Variants in LINGO2 observed in about 807,000 individuals in gnomAD.
The protein encoded by LINGO2 is leucine-rich repeat and immunoglobulin-like domain-containing nogo receptor-interacting protein 2.
LINGO2 carries 14 observed loss-of-function variants against 30.6 expected under a neutral mutation model. The observed-to-expected ratio is 0.46, with a 90% CI of 0.30 to 0.72. LINGO2 has a LOEUF of 0.72. Among genes scored for constraint, LINGO2 ranks in the 30% least tolerant of loss-of-function variants. The pLI, the probability that LINGO2 is intolerant of heterozygous loss-of-function variation, is 0.07. For missense variants in LINGO2, 729 were observed against 751.7 expected (o/e 0.97, Z 0.35); for synonymous variants, 317 against 288.5 (o/e 1.10, Z -1.00).
Position 28,401,952 on chromosome 9 carries a change from T to A in LINGO2, c.-278-29084A>T, listed in dbSNP as rs1031491069. 2.0e-5 allele frequency among the ~76,000 whole-genome samples: 3 copies of A among 152,326 alleles called. No individual in the cohort carries two copies. The East Asian group carries it at 5.8e-4, about 29-fold the overall frequency. On this transcript the variant is annotated intron_variant, in intron 2 of 5. Coordinates refer to ENST00000379992, the Ensembl canonical transcript of LINGO2. ...ATATCTTCTTTTGTGAGGTGTCTGT[T>A]CATATCATTTGCCTACCTTTTGATG... is the stretch of plus-strand genomic sequence containing the variant.
At chr9:28,968,933 A>G in the LINGO2 span, among the ~76,000 whole-genome samples, 1 of 152,202 alleles carries the variant, frequency 6.6e-6, no homozygotes, top group Admixed American at 6.5e-5. Context: ...ACATGCTCCC[A>G]AAGGAACATA....
At chr9:28,374,523 C>A (rs543623873) in intron 2 of LINGO2, among the ~76,000 whole-genome samples, 1 of 151,986 alleles carries the variant, frequency 6.6e-6, no homozygotes, top group Non-Finnish European at 1.5e-5. Flanking sequence ...AGGTGGGTCC[C>A]TAGATAAAAT....
intron 4 of LINGO2, among the ~76,000 whole-genome samples, chr9:28,274,637 C>T (rs1823053506): frequency 6.6e-6 from 1 of 152,182 alleles, no homozygotes; most frequent in Non-Finnish European, 1.5e-5. Flanking sequence ...GCTATTCTTG[C>T]TAAACCAAAC....
chr9:28,494,586 A>G (rs1328093293), intron 1 of LINGO2, among the ~76,000 whole-genome samples: 2 of 152,148 alleles, frequency 1.3e-5, no homozygotes, highest in East Asian at 3.8e-4. Context: ...CAGGGTGTAT[A>G]TGTGCCACAT....
At chr9:28,715,741 T>C in the LINGO2 span, among the ~76,000 whole-genome samples, 3 of 152,102 alleles carry the variant, frequency 2.0e-5, no homozygotes, top group Non-Finnish European at 4.4e-5. Context: ...GACAAGCCAC[T>C]TTTCTGAAAA....
the LINGO2 span, among the ~76,000 whole-genome samples, chr9:28,800,314 G>GTATGGCCTACCAGAAATCACCATA: frequency 6.6e-6 from 1 of 151,872 alleles, no homozygotes; most frequent in Non-Finnish European, 1.5e-5. Context: ...CTATTTTTTG[G>GTATGGCCTACCAGAAATCACCATA]TATGGCCTAC....
At chr9:28,775,146 GC>G in the LINGO2 span, among the ~76,000 whole-genome samples, 1 of 152,104 alleles carries the variant, frequency 6.6e-6, no homozygotes, top group African/African-American at 2.4e-5. Flanking sequence ...TAGAGGAGAA[GC>G]TTTGCTTGGC....
At chr9:29,038,407 G>T in the LINGO2 span, among the ~76,000 whole-genome samples, 1 of 151,922 alleles carries the variant, frequency 6.6e-6, no homozygotes, top group Admixed American at 6.6e-5. Flanking sequence ...ATAGGAGTGG[G>T]ACTATTTTCT....
At chr9:28,250,592 T>C (rs577217641) in intron 4 of LINGO2, among the ~76,000 whole-genome samples, 244 of 152,226 alleles carry the variant, frequency 1.6e-3, no homozygotes, top group African/African-American at 5.6e-3. Flanking sequence ...CACAGAAATA[T>C]CTGTGTCCCC....
intron 2 of LINGO2, among the ~76,000 whole-genome samples, chr9:28,414,544 C>G (rs1822895765): frequency 6.6e-6 from 1 of 151,964 alleles, no homozygotes. Context: ...GAAAATATAC[C>G]TTACCAACTG....
chr9:28,799,525 G>A, the LINGO2 span, among the ~76,000 whole-genome samples: 1 of 152,134 alleles, frequency 6.6e-6, no homozygotes, highest in Admixed American at 6.6e-5. Context: ...TTGGTGATGA[G>A]TGAAGGAAAA....
chr9:28,436,481 G>C (rs1024608882), intron 2 of LINGO2, among the ~76,000 whole-genome samples: 1 of 150,670 alleles, frequency 6.6e-6, no homozygotes, highest in Non-Finnish European at 1.5e-5. Context: ...TTTTTGAGAT[G>C]GAGTCTCGCT....
chr9:29,029,339 T>A, the LINGO2 span, among the ~76,000 whole-genome samples: 48 of 152,176 alleles, frequency 3.2e-4, no homozygotes, highest in Admixed American at 3.1e-3. Flanking sequence ...GCCTAACAGA[T>A]ATTAAATTAA....
chr9:28,544,302 T>G (rs1388083605), intron 1 of LINGO2, among the ~76,000 whole-genome samples: 2 of 152,260 alleles, frequency 1.3e-5, no homozygotes, highest in East Asian at 3.9e-4. Context: ...GAGTTGCCAG[T>G]TCTGTAATCT....
the LINGO2 span, among the ~76,000 whole-genome samples, chr9:28,993,941 C>T: frequency 2.0e-5 from 3 of 151,390 alleles, no homozygotes; most frequent in Admixed American, 1.3e-4. Context: ...GGAAGCATTC[C>T]CTTTGAAAAG....
the LINGO2 span, among the ~76,000 whole-genome samples, chr9:29,177,459 G>A: frequency 1.3e-5 from 2 of 152,022 alleles, no homozygotes; most frequent in South Asian, 2.1e-4. Context: ...TATTTTCATT[G>A]ACTTTTCACA....
At chr9:28,350,450 C>G (rs1302891507) in intron 3 of LINGO2, among the ~76,000 whole-genome samples, 1 of 149,490 alleles carries the variant, frequency 6.7e-6, no homozygotes, top group Admixed American at 6.7e-5. Context: ...GAAGAGCTAA[C>G]TATCCTAAAT....
chr9:28,790,288 T>G, the LINGO2 span, among the ~76,000 whole-genome samples: 1 of 151,612 alleles, frequency 6.6e-6, no homozygotes, highest in Non-Finnish European at 1.5e-5. Context: ...CCTACATCAT[T>G]CACCTCATTT....
At chr9:28,991,932 C>T in the LINGO2 span, among the ~76,000 whole-genome samples, 1 of 152,060 alleles carries the variant, frequency 6.6e-6, no homozygotes, top group Non-Finnish European at 1.5e-5. Context: ...TAAAGACCAT[C>T]GAGGCTAGGA....
Sources: gnomAD v4.1 joint callset for allele counts (sites outside exome capture counted in the v4.1 genomes callset) on GRCh38, gnomAD v4.1.1 for gene constraint, MANE v1.5 for transcripts, NCBI Gene and HGNC (gene_info 2026-07-23, HGNC 2026-07-21) for gene names.